The following WWC2 variants were observed in gnomAD, a reference collection of about 807,000 sequenced individuals.
WWC2 encodes the protein WW and C2 domain containing 2.
Under a neutral mutation model 138.5 loss-of-function variants are expected in WWC2, and 101 were observed. That is an observed-to-expected ratio of 0.73 (90% CI 0.62 to 0.86). WWC2 has a LOEUF of 0.86. Among genes scored for constraint, WWC2 ranks in the 40% least tolerant of loss-of-function variants. The pLI is 0.00. For missense variants in WWC2, 1,420 were observed against 1,419.4 expected (o/e 1.00, Z -0.01); for synonymous variants, 558 against 538.4 (o/e 1.04, Z -0.50).
intron 1 of WWC2, among the ~76,000 whole-genome samples, chr4:183,191,564 A>T (rs949938589): frequency 1.3e-5 from 2 of 152,154 alleles, no homozygotes; most frequent in Non-Finnish European, 2.9e-5. Context: ...TTGAGCCCAG[A>T]TCTCTTTGAT....
rs1560900231 is a variant in WWC2 at position 183,312,323 on chromosome 4, TTTTA to T, written c.3385-15_3385-12del. On this transcript the variant is annotated splice_polypyrimidine_tract_variant and intron_variant, in intron 21 of 22. Coordinates refer to ENST00000403733, the MANE Select transcript of WWC2 (RefSeq NM_024949.6). Reference sequence around the variant, plus strand: ...TCAGTGTTTTGTGTGTTTCTTACATTTTTATTCCCTTTTCCAGGCTGAACAGTCC... The same window carrying T: ...TCAGTGTTTTGTGTGTTTCTTACATTTTCCCTTTTCCAGGCTGAACAGTCC... The T allele has an allele frequency of 1.2e-6, 2 of 1,610,752 alleles. No individual in the cohort carries two copies. The highest frequency in any genetic ancestry group is 1.7e-5 in the Admixed American group (1 of 59,886).
rs115054450 is a variant in WWC2, at chr4:183,210,608, C to T, written c.522+1583C>T. Among the ~76,000 whole-genome samples the T allele has an allele frequency of 1.0e-2, 1,517 of 152,238 alleles. 29 individuals are homozygous for T. The highest frequency in any genetic ancestry group is 0.035 in the African/African-American group (1,456 of 41,530). On this transcript the variant is annotated intron_variant, in intron 4 of 22. Coordinates refer to ENST00000403733, the MANE Select transcript of WWC2 (RefSeq NM_024949.6). ...AATACAACCATGGCTCACTTAACAA[C>T]GGGTATACATTCTGAGAAGTGTATT...
intron 1 of WWC2, among the ~76,000 whole-genome samples, chr4:183,180,829 C>T (rs1306908363): frequency 1.6e-4 from 16 of 99,454 alleles, no homozygotes; most frequent in African/African-American, 4.4e-4. Context: ...GGGGCGGGGG[C>T]GGGGAGATTT....
intron 1 of WWC2, among the ~76,000 whole-genome samples, chr4:183,120,912 C>T (rs550689381): frequency 6.6e-6 from 1 of 152,150 alleles, no homozygotes; most frequent in East Asian, 1.9e-4. Context: ...CCATGCCCAG[C>T]CAGAACACAT....
intron 21 of WWC2, among the ~76,000 whole-genome samples, chr4:183,309,231 C>A (rs760955684): frequency 1.3e-5 from 2 of 152,124 alleles, no homozygotes; most frequent in Non-Finnish European, 2.9e-5. Flanking sequence ...AAAGAAATAC[C>A]TGATAAGCTG....
chr4:183,316,843 TG>T lies in WWC2; in HGVS notation c.*1115del, dbSNP rs1739456439. 1 of 152,170 alleles carries T rather than the reference TG, an allele frequency of 6.6e-6. No homozygotes were observed. Among genetic ancestry groups the T allele is most frequent in the Non-Finnish European group, 1.5e-5 (1 of 68,036 alleles). The allele number at this position is 152,170 out of a possible 1,614,324, so 9.4% of individuals were successfully genotyped here. On this transcript the variant is annotated 3_prime_UTR_variant, in exon 23 of 23. Coordinates refer to ENST00000403733, the MANE Select transcript of WWC2 (RefSeq NM_024949.6). ...GTTGGGAGGCAAAGGGAAGAATGTG[TG>T]TGGGGGGATTATTAATTTGAAGTAT...
At position 183,284,407 on chromosome 4, in the gene WWC2, C is replaced by T. The variant is rs952316487; in HGVS notation, c.3048+17C>T. On this transcript the variant is annotated intron_variant, in intron 19 of 22. Coordinates refer to ENST00000403733, the MANE Select transcript of WWC2 (RefSeq NM_024949.6). ...ATCTGCAGGGTAAGGTGGCAGTGCT[C>T]GTGGTGAGGCGCTGGGACTGCAGCT... The T allele has an allele frequency of 1.6e-5, 25 of 1,606,454 alleles. No homozygotes were observed. The highest frequency in any genetic ancestry group is 2.1e-4 in the Middle Eastern group (1 of 4,744).
chr4:183,099,485 G>A lies in WWC2; in HGVS notation c.-7G>A. The A allele has an allele frequency of 2.3e-6, 3 of 1,307,802 alleles. No individual in the cohort carries two copies. The highest frequency in any genetic ancestry group is 2.1e-5 in the South Asian group (1 of 47,654). 81.0% of individuals were successfully genotyped at this position (1,307,802 alleles called of 1,614,324 possible). A position where few individuals can be genotyped will look rare whatever the true frequency, so the allele number is the denominator to read the frequency against. On this transcript the variant is annotated 5_prime_UTR_variant, in exon 1 of 23. Coordinates refer to ENST00000403733, the MANE Select transcript of WWC2 (RefSeq NM_024949.6). ...GGAGGCGCCGCTCGCCGGCGAGGCC[G>A]CCGACCATGCCTAGGAGGGCCGGGA... is the stretch of plus-strand genomic sequence containing the variant.
chr4:183,186,558 A>G (rs1734807045), intron 1 of WWC2, among the ~76,000 whole-genome samples: 2 of 151,944 alleles, frequency 1.3e-5, no homozygotes, highest in African/African-American at 2.4e-5. Context: ...GGGGCATTGA[A>G]TATAGACTGA....
intron 1 of WWC2, among the ~76,000 whole-genome samples, chr4:183,160,514 G>C (rs745928982): frequency 6.6e-6 from 1 of 152,094 alleles, no homozygotes; most frequent in Non-Finnish European, 1.5e-5. Flanking sequence ...ATAAAATCAA[G>C]TCACTATGTT....
intron 21 of WWC2, among the ~76,000 whole-genome samples, chr4:183,307,732 T>C (rs535661800): frequency 5.2e-4 from 79 of 152,304 alleles, no homozygotes; most frequent in African/African-American, 1.8e-3. Context: ...AAAGAACATG[T>C]AGAAAACTCT....
intron 1 of WWC2, among the ~76,000 whole-genome samples, chr4:183,178,429 A>C (rs1451425364): frequency 7.0e-6 from 1 of 143,816 alleles, no homozygotes. Context: ...AATTTAAAAA[A>C]TTAGCCAGGC....
At chr4:183,303,659 A>G (rs1580167626) in intron 21 of WWC2, among the ~76,000 whole-genome samples, 1 of 152,328 alleles carries the variant, frequency 6.6e-6, no homozygotes, top group East Asian at 1.9e-4. Context: ...CTTTCTATTT[A>G]ATACTTAATG....
chr4:183,314,136 C>T (rs527824899), intron 22 of WWC2, among the ~76,000 whole-genome samples: 5 of 152,076 alleles, frequency 3.3e-5, no homozygotes, highest in Admixed American at 3.3e-4. Flanking sequence ...TTAGTGGGCT[C>T]ACAGCTCTTT....
At chr4:183,283,064 A>T (rs1738134199) in intron 18 of WWC2, among the ~76,000 whole-genome samples, 158 bp downstream of exon 18, 1 of 152,242 alleles carries the variant, frequency 6.6e-6, no homozygotes, top group Non-Finnish European at 1.5e-5. Flanking sequence ...TCTAAGAAGC[A>T]TCATAAATGC....
chr4:183,107,957 C>G (rs534635390), intron 1 of WWC2, among the ~76,000 whole-genome samples: 1 of 151,884 alleles, frequency 6.6e-6, no homozygotes, highest in African/African-American at 2.4e-5. Flanking sequence ...TACCTTCTTC[C>G]TAAACACTCA....
intron 1 of WWC2, among the ~76,000 whole-genome samples, chr4:183,116,761 T>C (rs555048644): frequency 1.3e-5 from 2 of 152,374 alleles, no homozygotes; most frequent in Admixed American, 6.5e-5. Context: ...TTTGACTCCT[T>C]GAATTAAACT....
At chr4:183,103,824 T>C (rs548530127) in intron 1 of WWC2, among the ~76,000 whole-genome samples, 7 of 149,220 alleles carry the variant, frequency 4.7e-5, no homozygotes, top group Non-Finnish European at 7.4e-5. Flanking sequence ...TTGGTAGAGA[T>C]GGGGTTTCAC....
chr4:183,239,139 A>T (rs1365713033), intron 4 of WWC2, among the ~76,000 whole-genome samples: 2 of 152,102 alleles, frequency 1.3e-5, no homozygotes, highest in Non-Finnish European at 2.9e-5. Flanking sequence ...ACATGGTCAA[A>T]CCCCATCTCT....
Sources: gnomAD v4.1 joint callset for allele counts (sites outside exome capture counted in the v4.1 genomes callset) on GRCh38, gnomAD v4.1.1 for gene constraint, MANE v1.5 for transcripts, NCBI Gene and HGNC (gene_info 2026-07-23, HGNC 2026-07-21) for gene names.